KCTD1: variants seen among roughly 807,000 people sequenced by gnomAD.
KCTD1 encodes potassium channel tetramerization domain containing 1.
In KCTD1, 24 loss-of-function variants were observed where a neutral mutation model predicts 66.0. The ratio of observed to expected loss-of-function variants is 0.36; its 90% confidence interval spans 0.26 to 0.51. KCTD1 has a LOEUF of 0.51. Among genes scored for constraint, KCTD1 ranks in the 20% least tolerant of loss-of-function variants. The pLI is 0.95. For synonymous variants in KCTD1, 511 were observed against 517.2 expected (o/e 0.99, Z 0.16); for missense variants, 943 against 1,205.2 (o/e 0.78, Z 3.22).
intron 1 of KCTD1, among the ~76,000 whole-genome samples, chr18:26,605,417 G>A (rs989279143): frequency 6.6e-6 from 1 of 151,978 alleles, no homozygotes; most frequent in Non-Finnish European, 1.5e-5. Context: ...AATTACTATG[G>A]TACTGTAGCT....
intron 1 of KCTD1, among the ~76,000 whole-genome samples, chr18:26,518,447 G>C (rs1983766362): frequency 6.6e-6 from 1 of 152,086 alleles, no homozygotes; most frequent in African/African-American, 2.4e-5. Context: ...TGTATTTTTA[G>C]TAGAGACGGG....
chr18:26,639,411 G>A (rs1987789827), intron 1 of KCTD1, among the ~76,000 whole-genome samples: 1 of 152,046 alleles, frequency 6.6e-6, no homozygotes, highest in South Asian at 2.1e-4. Context: ...GCAGTGGGAG[G>A]TTATTGAACC....
chr18:26,472,886 C>T (rs888440022), intron 3 of KCTD1, among the ~76,000 whole-genome samples: 3 of 152,216 alleles, frequency 2.0e-5, no homozygotes, highest in African/African-American at 7.2e-5. Flanking sequence ...TTCAACTATG[C>T]CATTCATCAG....
rs188927052 is a variant in KCTD1 at position 26,457,556 on chromosome 18, G to A, written c.2440-1655C>T. ...CACTAAATGCTAACAGGAGGAAATC[G>A]CTAAGCTCTTCTTCGGAGTCCGATA... On this transcript the variant is annotated intron_variant, in intron 4 of 4. Transcript: ENST00000580059. The A allele has an allele frequency of 3.9e-5, 6 of 152,296 alleles. No homozygotes were observed. The East Asian group carries it at 7.7e-4, about 20-fold the overall frequency. 9.4% of individuals were successfully genotyped at this position (152,296 alleles called of 1,614,324 possible). A position where few individuals can be genotyped will look rare whatever the true frequency, so the allele number is the denominator to read the frequency against.
chr18:26,604,419 A>T (rs1327246124), intron 1 of KCTD1, among the ~76,000 whole-genome samples: 7 of 152,234 alleles, frequency 4.6e-5, no homozygotes, highest in Non-Finnish European at 8.8e-5. Context: ...GTATATACCC[A>T]GAGGAATATA....
chr18:26,636,569 G>A (rs528737349), intron 1 of KCTD1, among the ~76,000 whole-genome samples: 2 of 152,276 alleles, frequency 1.3e-5, no homozygotes, highest in Admixed American at 1.3e-4. Flanking sequence ...ATTGGGTTGG[G>A]GAAAAAGTAA....
chr18:26,533,692 T>A, intron 1 of KCTD1, among the ~76,000 whole-genome samples: 1 of 152,018 alleles, frequency 6.6e-6, no homozygotes. Context: ...AAAGATGGGG[T>A]TTCACCATAT....
At chr18:26,466,967 G>A (rs542229734) in intron 3 of KCTD1, among the ~76,000 whole-genome samples, 9 of 152,266 alleles carry the variant, frequency 5.9e-5, no homozygotes, top group African/African-American at 2.2e-4. Flanking sequence ...GGGCATTGTG[G>A]AGTCAAGCAG....
intron 1 of KCTD1, among the ~76,000 whole-genome samples, chr18:26,576,685 T>C (rs1986232706): frequency 6.6e-6 from 1 of 152,208 alleles, no homozygotes; most frequent in South Asian, 2.1e-4. Flanking sequence ...TATTTAAATA[T>C]ACCAACAAAA....
At chr18:26,486,068 T>TA (rs1981903182) in intron 2 of KCTD1, among the ~76,000 whole-genome samples, 1 of 151,496 alleles carries the variant, frequency 6.6e-6, no homozygotes, top group African/African-American at 2.4e-5. Context: ...CGTGCGCCAC[T>TA]AGGCCAGCTA....
intron 1 of KCTD1, among the ~76,000 whole-genome samples, chr18:26,651,119 CT>C (rs149073187): frequency 0.05 from 7,619 of 152,060 alleles, 244 homozygotes; most frequent in South Asian, 0.076. Context: ...TGTTTTTTTT[CT>C]TTCTCTCTTG....
intron 1 of KCTD1, chr18:26,600,387 G>C (rs1986864260): frequency 3.0e-6 from 3 of 999,630 alleles, no homozygotes; most frequent in Non-Finnish European, 4.8e-6. Context: ...GCCAACTCCT[G>C]TCCCTCAAAT....
intron 1 of KCTD1, chr18:26,543,263 T>A (rs2144820627): frequency 6.6e-6 from 1 of 152,322 alleles, no homozygotes; most frequent in Middle Eastern, 3.4e-3. Flanking sequence ...AAATACCCAC[T>A]CTTTAAAAGG....
chr18:26,469,965 C>G (rs1289659249), intron 3 of KCTD1, among the ~76,000 whole-genome samples: 1 of 152,138 alleles, frequency 6.6e-6, no homozygotes, highest in Non-Finnish European at 1.5e-5. Context: ...AAGGCCCTGC[C>G]TGCAAGAACC....
chr18:26,502,905 A>G lies in KCTD1; in HGVS notation c.1810-1655T>C, dbSNP rs1567970769. Among the ~76,000 whole-genome samples the G allele has an allele frequency of 3.3e-5, 5 of 152,354 alleles. No individual in the cohort carries two copies. The East Asian group carries it at 9.6e-4, about 29-fold the overall frequency. On this transcript the variant is annotated intron_variant, in intron 1 of 4. Coordinates refer to ENST00000580059, the MANE Select transcript of KCTD1 (RefSeq NM_001142730.3). ...CAGCATGATAAAATATAAATTTGCA[A>G]AACATCATAGATTTTATGATCTGGA...
upstream of KCTD1, among the ~76,000 whole-genome samples, chr18:26,643,350 G>T (rs753972088): frequency 6.6e-6 from 1 of 152,154 alleles, no homozygotes; most frequent in African/African-American, 2.4e-5. Context: ...CACCATGGGG[G>T]TGGGGTTTCA....
chr18:26,524,189 C>A (rs982824998), intron 1 of KCTD1, among the ~76,000 whole-genome samples: 1 of 152,188 alleles, frequency 6.6e-6, no homozygotes, highest in African/African-American at 2.4e-5. Context: ...GCCTGCTTTC[C>A]AGCAGGGGTA....
intron 1 of KCTD1, among the ~76,000 whole-genome samples, chr18:26,558,062 G>C (rs1162934146): frequency 6.6e-6 from 1 of 152,218 alleles, no homozygotes; most frequent in East Asian, 1.9e-4. Context: ...CAGACATCGG[G>C]AGAACATTTG....
At chr18:26,480,098 T>A (rs532672546) in intron 2 of KCTD1, among the ~76,000 whole-genome samples, 21 of 150,994 alleles carry the variant, frequency 1.4e-4, no homozygotes, top group Admixed American at 5.4e-4. Flanking sequence ...GAGAACGACT[T>A]TCTTCCACCA....
Sources: allele counts gnomAD v4.1 joint callset (sites outside exome capture counted in the v4.1 genomes callset), GRCh38; gene constraint gnomAD v4.1.1; transcripts MANE v1.5; gene names NCBI Gene and HGNC (gene_info 2026-07-23, HGNC 2026-07-21).